Variants in NBAS observed in about 807,000 individuals in gnomAD.
The protein encoded by NBAS is NAG/BC035112 fusion.
In NBAS, 219 loss-of-function variants were observed where a neutral mutation model predicts 302.5. That is an observed-to-expected ratio of 0.72 (90% CI 0.65 to 0.81). The LOEUF (loss-of-function observed/expected upper bound fraction) is 0.81, where lower values mean the gene tolerates loss of function less well. NBAS is among the 30% of genes least tolerant of loss of function. The pLI is 0.00. For missense variants in NBAS, 2,932 were observed against 2,841.6 expected (o/e 1.03, Z -0.72); for synonymous variants, 1,118 against 1,021.6 (o/e 1.09, Z -1.80).
At chr2:15,056,925 T>C in the NBAS span, among the ~76,000 whole-genome samples, 1 of 151,298 alleles carries the variant, frequency 6.6e-6, no homozygotes, top group Non-Finnish European at 1.5e-5. Flanking sequence ...GCCTCCCAGG[T>C]TCCATTGATT....
chr2:15,310,709 C>G (rs954863663), intron 38 of NBAS, among the ~76,000 whole-genome samples: 1 of 152,196 alleles, frequency 6.6e-6, no homozygotes, highest in African/African-American at 2.4e-5. Context: ...TTACTTCCCA[C>G]GAAACCTGGG....
chr2:14,940,590 C>G, the NBAS span, among the ~76,000 whole-genome samples: 39 of 152,344 alleles, frequency 2.6e-4, no homozygotes, highest in Non-Finnish European at 4.1e-4. Flanking sequence ...GTAAACTCTC[C>G]TCTGCCTGAC....
the NBAS span, among the ~76,000 whole-genome samples, chr2:15,064,735 C>T: frequency 6.6e-6 from 1 of 152,060 alleles, no homozygotes; most frequent in African/African-American, 2.4e-5. Context: ...TCAGCATTAC[C>T]CTGATACCAA....
chr2:15,530,398 T>C (rs145780969), intron 9 of NBAS, among the ~76,000 whole-genome samples: 52 of 152,006 alleles, frequency 3.4e-4, no homozygotes, highest in African/African-American at 1.1e-3. Context: ...ATAACTAATT[T>C]AAAAAGGAGA....
In NBAS at chr2:15,476,936, T is replaced by C. The variant is rs140393495; in HGVS notation, c.1148-1056A>G. ...ATTTTAAATATGGAGTTCAGAACCA[T>C]GAGACTAACTCATTGTTTTAATGAA... is the stretch of plus-strand genomic sequence containing the variant. On this transcript the variant is annotated intron_variant, in intron 13 of 51. Transcript: ENST00000281513. Among the ~76,000 whole-genome samples, 911 of 152,304 alleles carry C rather than the reference T, an allele frequency of 6.0e-3. 9 individuals carry two copies. The highest frequency in any genetic ancestry group is 0.02 in the African/African-American group (824 of 41,568).
intron 47 of NBAS, among the ~76,000 whole-genome samples, chr2:15,222,191 G>T (rs1666975995): frequency 6.6e-6 from 1 of 152,218 alleles, no homozygotes; most frequent in African/African-American, 2.4e-5. Context: ...AAATGGGAAT[G>T]ATAGAGGATT....
At chr2:15,204,758 G>C (rs188227539) in intron 48 of NBAS, among the ~76,000 whole-genome samples, 2 of 152,278 alleles carry the variant, frequency 1.3e-5, no homozygotes, top group Non-Finnish European at 2.9e-5. Context: ...CTATCGCATG[G>C]ACAGAAAACC....
downstream of NBAS, among the ~76,000 whole-genome samples, chr2:15,164,946 T>C (rs1313022421): frequency 6.6e-6 from 1 of 152,156 alleles, no homozygotes; most frequent in Non-Finnish European, 1.5e-5. Context: ...CTCATAAGCA[T>C]TGTGGGGCTG....
the NBAS span, among the ~76,000 whole-genome samples, chr2:15,131,974 G>A: frequency 3.3e-5 from 5 of 152,060 alleles, 1 homozygote; most frequent in Admixed American, 3.3e-4. Context: ...TCCACCCCGT[G>A]GTCCAAACAC....
At chr2:15,325,124 C>T (rs547036083) in intron 38 of NBAS, among the ~76,000 whole-genome samples, 39 of 152,242 alleles carry the variant, frequency 2.6e-4, no homozygotes, top group African/African-American at 9.4e-4. Context: ...CATTATTTTG[C>T]CTTTTTGTAA....
chr2:15,476,252 T>C (rs1288436865), intron 13 of NBAS, among the ~76,000 whole-genome samples: 1 of 152,128 alleles, frequency 6.6e-6, no homozygotes, highest in East Asian at 1.9e-4. Flanking sequence ...GAAGGTCATA[T>C]AATGTTTTGA....
At chr2:15,013,492 T>G in the NBAS span, among the ~76,000 whole-genome samples, 1 of 152,156 alleles carries the variant, frequency 6.6e-6, no homozygotes, top group Middle Eastern at 3.4e-3. Context: ...TTAAAAGATA[T>G]AGACAACTGG....
At chr2:15,474,007 T>C in intron 15 of NBAS, 60 bp downstream of exon 15, 1 of 1,604,692 alleles carries the variant, frequency 6.2e-7, no homozygotes, top group Non-Finnish European at 8.5e-7. Flanking sequence ...ATTAACTTTT[T>C]CTCAATAAAA....
chr2:15,156,415 A>G, the NBAS span, among the ~76,000 whole-genome samples: 285 of 152,316 alleles, frequency 1.9e-3, no homozygotes, highest in South Asian at 6.4e-3. Flanking sequence ...TCAGGCTGCC[A>G]TAACAAAGTA....
the NBAS span, among the ~76,000 whole-genome samples, chr2:15,056,101 T>TA: frequency 0.81 from 119,278 of 147,480 alleles, 48,583 homozygotes; most frequent in Middle Eastern, 0.87. Flanking sequence ...CTCCTGGAAG[T>TA]AAAAAAAAAA....
At chr2:15,335,483 G>A (rs909232676) in intron 35 of NBAS, among the ~76,000 whole-genome samples, 1 of 152,138 alleles carries the variant, frequency 6.6e-6, no homozygotes, top group Non-Finnish European at 1.5e-5. Context: ...CCACATCCAC[G>A]CCAACAAATG....
At chr2:14,885,810 G>A in the NBAS span, among the ~76,000 whole-genome samples, 28 of 152,156 alleles carry the variant, frequency 1.8e-4, no homozygotes, top group African/African-American at 6.3e-4. Context: ...AGATGACAAT[G>A]TTTTGGAATA....
At chr2:15,277,212 T>G in intron 42 of NBAS, 111 bp from the exon 43 acceptor site, 1 of 1,365,818 alleles carries the variant, frequency 7.3e-7, no homozygotes, top group Non-Finnish European at 9.9e-7. Flanking sequence ...TCTTCCTGCC[T>G]ACTCAAAGAC....
intron 40 of NBAS, among the ~76,000 whole-genome samples, chr2:15,307,738 G>GT (rs1671091781): frequency 1.3e-5 from 2 of 151,940 alleles, no homozygotes; most frequent in Admixed American, 6.6e-5. Context: ...GCTGTCTGAG[G>GT]TTTTTGGCAA....
Sources: gnomAD v4.1 joint callset for allele counts (sites outside exome capture counted in the v4.1 genomes callset) on GRCh38, gnomAD v4.1.1 for gene constraint, MANE v1.5 for transcripts, NCBI Gene and HGNC (gene_info 2026-07-23, HGNC 2026-07-21) for gene names.